The following SNCAIP variants were observed in gnomAD, a reference collection of about 807,000 sequenced individuals.
The protein encoded by SNCAIP is synuclein alpha interacting protein.
A neutral mutation model predicts 86.7 loss-of-function variants in SNCAIP; 43 were observed. That is an observed-to-expected ratio of 0.50 (90% confidence interval 0.39 to 0.64). The LOEUF (loss-of-function observed/expected upper bound fraction) is 0.64, where lower values mean the gene tolerates loss of function less well. SNCAIP is among the 30% of genes least tolerant of loss of function. The pLI, the probability that SNCAIP is intolerant of heterozygous loss-of-function variation, is 0.00. For missense variants in SNCAIP, 981 were observed against 1,103.1 expected (o/e 0.89, Z 1.57); for synonymous variants, 417 against 427.2 (o/e 0.98, Z 0.29).
At chr5:122,341,505 C>T (rs1757581695) in intron 1 of SNCAIP, among the ~76,000 whole-genome samples, 1 of 152,104 alleles carries the variant, frequency 6.6e-6, no homozygotes, top group Non-Finnish European at 1.5e-5. Flanking sequence ...TCTGTTTTAG[C>T]GTATTAAAAA....
chr5:122,326,516 A>C (rs186013168), intron 1 of SNCAIP, among the ~76,000 whole-genome samples: 5 of 151,804 alleles, frequency 3.3e-5, no homozygotes, highest in Non-Finnish European at 5.9e-5. Context: ...TGAAATTTCA[A>C]ACCTCATGAG....
intron 3 of SNCAIP, among the ~76,000 whole-genome samples, chr5:122,418,405 T>G (rs901564287): frequency 9.9e-5 from 15 of 152,220 alleles, no homozygotes; most frequent in Non-Finnish European, 2.2e-4. Context: ...TAATATATTT[T>G]TCTAAAACAC....
intron 1 of SNCAIP, among the ~76,000 whole-genome samples, chr5:122,348,057 G>C (rs977833449): frequency 2.6e-5 from 4 of 151,982 alleles, no homozygotes; most frequent in African/African-American, 9.7e-5. Flanking sequence ...TAGAAATGTT[G>C]ACAAATACTG....
rs544639835 is a variant in SNCAIP at position 122,323,360 on chromosome 5, C to T, written c.-47+11076C>T. On this transcript the variant is annotated intron_variant, in intron 1 of 10. Transcript: ENST00000261368. ...CAAATCTTGGGCACTGGATGTAGTA[C>T]AGTGTTTACTCCTGTTGCTAGGAAA... The T allele has an allele frequency of 2.0e-5, 3 of 152,314 alleles. No homozygotes were observed. The East Asian group carries it at 5.8e-4, about 29-fold the overall frequency. The allele number at this position is 152,314 out of a possible 1,614,324, so 9.4% of individuals were successfully genotyped here. A position where few individuals can be genotyped will look rare whatever the true frequency, so the allele number is the denominator to read the frequency against.
At chr5:122,342,168 G>T (rs1290453624) in intron 1 of SNCAIP, among the ~76,000 whole-genome samples, 1 of 151,898 alleles carries the variant, frequency 6.6e-6, no homozygotes, top group Non-Finnish European at 1.5e-5. Flanking sequence ...GCAATTTTTT[G>T]GTTTCTCCCT....
chr5:122,452,903 AT>A, intron 10 of SNCAIP: 2 of 1,505,434 alleles, frequency 1.3e-6, no homozygotes, highest in Non-Finnish European at 1.8e-6. Flanking sequence ...TTTTCAGATG[AT>A]TTTTAATTGC....
intron 3 of SNCAIP, among the ~76,000 whole-genome samples, chr5:122,408,343 T>C (rs1200854302): frequency 6.6e-6 from 1 of 152,158 alleles, no homozygotes; most frequent in African/African-American, 2.4e-5. Flanking sequence ...CAAGCCGTGT[T>C]TGTGGCCCTT....
chr5:122,449,677 T>A (rs1783299922), intron 8 of SNCAIP, among the ~76,000 whole-genome samples, 168 bp from the exon 9 acceptor site: 2 of 152,232 alleles, frequency 1.3e-5, no homozygotes, highest in African/African-American at 2.4e-5. Flanking sequence ...TACTTTTGAT[T>A]GTTTCCTTAG....
At chr5:122,449,406 T>A (rs992371579) in intron 8 of SNCAIP, among the ~76,000 whole-genome samples, 2 of 152,146 alleles carry the variant, frequency 1.3e-5, no homozygotes, top group African/African-American at 2.4e-5. Flanking sequence ...CAAATAGTAT[T>A]TTGTAGTTTC....
chr5:122,324,354 C>T (rs569140345), intron 1 of SNCAIP, among the ~76,000 whole-genome samples: 2 of 152,314 alleles, frequency 1.3e-5, no homozygotes, highest in South Asian at 2.1e-4. Flanking sequence ...CATGCGTGCT[C>T]ATGACCTCTC....
intron 8 of SNCAIP, among the ~76,000 whole-genome samples, chr5:122,446,572 A>G (rs1782361070): frequency 6.6e-6 from 1 of 152,262 alleles, no homozygotes; most frequent in South Asian, 2.1e-4. Context: ...TCTCCAGAAC[A>G]GAATGCTGTG....
At chr5:122,370,324 T>C (rs1462958122) in intron 1 of SNCAIP, among the ~76,000 whole-genome samples, 1 of 151,506 alleles carries the variant, frequency 6.6e-6, no homozygotes. Flanking sequence ...ATTCTTTTTA[T>C]TGATATTTAT....
chr5:122,314,711 A>G (rs563743906), intron 1 of SNCAIP, among the ~76,000 whole-genome samples: 1 of 152,336 alleles, frequency 6.6e-6, no homozygotes, highest in South Asian at 2.1e-4. Context: ...TTAGGTAACT[A>G]GATTTATATT....
intron 8 of SNCAIP, among the ~76,000 whole-genome samples, chr5:122,446,822 A>T (rs1173065486): frequency 1.3e-5 from 2 of 152,230 alleles, no homozygotes; most frequent in East Asian, 1.9e-4. Flanking sequence ...GGGGGAAGAC[A>T]GTCTTGAGTG....
chr5:122,450,867 T>G lies in SNCAIP; in HGVS notation c.2020T>G (p.Ser674Ala). The G allele has an allele frequency of 6.2e-7, 1 of 1,613,702 alleles. No homozygotes were observed. Among genetic ancestry groups the G allele is most frequent in the Non-Finnish European group, 8.5e-7 (1 of 1,179,908 alleles). Residue 674 changes from serine (S) to alanine (A), a missense_variant, in exon 10 of 11, where the codon TCA (serine) becomes GCA (alanine). Physicochemically the swap from Ser to Ala is moderately conservative, Grantham distance 99. Coordinates refer to ENST00000261368, the MANE Select transcript of SNCAIP (RefSeq NM_005460.4). The stretch of plus-strand genomic sequence containing the variant: ...CAGGCTGAGACAGCTGATGCAGAGG[T>G]CACTGAGTGAGTCTGACACAGACTC... ...LARLRQLMQR[S>A]LSESDTDSNN...
chr5:122,425,292 T>C (rs868744967), intron 4 of SNCAIP, 60 bp from the exon 5 acceptor site: 1 of 1,348,476 alleles, frequency 7.4e-7, no homozygotes, highest in Middle Eastern at 1.8e-4. Context: ...AGAGAAAAAC[T>C]CCTACAGGGT....
intron 2 of SNCAIP, among the ~76,000 whole-genome samples, chr5:122,400,306 A>G (rs1486957937): frequency 6.6e-6 from 1 of 152,232 alleles, no homozygotes; most frequent in Admixed American, 6.5e-5. Context: ...TTTTTATTTC[A>G]GAAAGCTAAT....
intron 1 of SNCAIP, among the ~76,000 whole-genome samples, chr5:122,328,914 T>G (rs1390005748): frequency 3.3e-5 from 5 of 152,220 alleles, no homozygotes; most frequent in Non-Finnish European, 7.3e-5. Context: ...CTTCTGGGTA[T>G]TTTCCTGTTC....
chr5:122,385,381 C>G (rs536063682), intron 1 of SNCAIP, among the ~76,000 whole-genome samples: 1 of 152,106 alleles, frequency 6.6e-6, no homozygotes, highest in Non-Finnish European at 1.5e-5. Context: ...AAATTTCTTG[C>G]CTCTATCATT....
Sources: gnomAD v4.1 joint callset for allele counts (sites outside exome capture counted in the v4.1 genomes callset) on GRCh38, gnomAD v4.1.1 for gene constraint, MANE v1.5 for transcripts, NCBI Gene and HGNC (gene_info 2026-07-23, HGNC 2026-07-21) for gene names.